NDST3: variants seen among roughly 807,000 people sequenced by gnomAD.
The protein encoded by NDST3 is bifunctional heparan sulfate N-deacetylase/N-sulfotransferase 3.
A neutral mutation model predicts 96.1 loss-of-function variants in NDST3; 58 were observed. That is an observed-to-expected ratio of 0.60 (90% CI 0.49 to 0.75). The LOEUF (loss-of-function observed/expected upper bound fraction) is 0.75, where lower values mean the gene tolerates loss of function less well. Among genes scored for constraint, NDST3 ranks in the 30% least tolerant of loss-of-function variants. NDST3 has a pLI of 0.00. For synonymous variants in NDST3, 333 were observed against 359.7 expected, an observed-to-expected ratio of 0.93 and a Z score of 0.84; for missense variants, 788 against 1,034.2, an observed-to-expected ratio of 0.76 and a Z score of 3.27.
chr4:118,248,207 C>T (rs1379063125), intron 12 of NDST3, among the ~76,000 whole-genome samples: 2 of 151,902 alleles, frequency 1.3e-5, no homozygotes, highest in Non-Finnish European at 2.9e-5. Flanking sequence ...AAAAATTAGC[C>T]AGGCGTGGTG....
chr4:118,224,086 T>C (rs1157010427), intron 6 of NDST3, among the ~76,000 whole-genome samples: 1 of 152,156 alleles, frequency 6.6e-6, no homozygotes, highest in African/African-American at 2.4e-5. Context: ...GTCAATTTTA[T>C]CTAGCCAAGC....
At chr4:118,236,988 G>C in intron 9 of NDST3, 58 bp from the exon 10 acceptor site, 1 of 1,288,842 alleles carries the variant, frequency 7.8e-7, no homozygotes, top group Middle Eastern at 2.0e-4. Flanking sequence ...TAACATCTTT[G>C]GTCACCAGAA....
intron 12 of NDST3, among the ~76,000 whole-genome samples, chr4:118,248,205 G>C (rs2126011231): frequency 6.6e-6 from 1 of 152,178 alleles, no homozygotes; most frequent in South Asian, 2.1e-4. Context: ...ACAAAAATTA[G>C]CCAGGCGTGG....
Position 118,152,329 on chromosome 4 carries a change from G to T in NDST3, c.1539+8645G>T, listed in dbSNP as rs1383016347. 2.6e-5 allele frequency among the ~76,000 whole-genome samples: 4 copies of T among 152,272 alleles called. No homozygotes were observed. In the East Asian group the frequency reaches 5.8e-4, roughly 22 times the overall value. On this transcript the variant is annotated intron_variant, in intron 6 of 13. Coordinates refer to ENST00000296499, the MANE Select transcript of NDST3 (RefSeq NM_004784.3). Reference sequence around the variant, plus strand: ...TCATTCAAGTTACCTCAGGTAATGGGACTCCAGAAAGTAATATTACTTCAA... The same window carrying T: ...TCATTCAAGTTACCTCAGGTAATGGTACTCCAGAAAGTAATATTACTTCAA...
intron 6 of NDST3, among the ~76,000 whole-genome samples, chr4:118,148,365 A>G (rs1361641534): frequency 6.6e-6 from 1 of 152,152 alleles, no homozygotes; most frequent in African/African-American, 2.4e-5. Flanking sequence ...ACCATGTAAC[A>G]ATATTGTGCC....
Position 118,240,686 on chromosome 4 carries a change from C to G in NDST3, c.2281C>G (p.Pro761Ala). 6.2e-7 allele frequency: 1 copy of G among 1,613,002 alleles called. No homozygotes were observed. The highest frequency in any genetic ancestry group is 8.5e-7 in the Non-Finnish European group (1 of 1,179,486). The change falls in exon 11 of 14, where the codon CCA (proline) becomes GCA (alanine). Residue 761 changes from proline to alanine, a missense_variant. Coordinates refer to ENST00000296499, the MANE Select transcript of NDST3 (RefSeq NM_004784.3). ...HIERWLVYFPPFQLLIIDGQQ... is the reference protein window; with the variant it reads ...HIERWLVYFPAFQLLIIDGQQ... Reference sequence around the variant, plus strand: ...CGAGAGATGGCTTGTTTATTTCCCCCCATTTCAGGTATGGAGTAATAAGGA... The same window carrying G: ...CGAGAGATGGCTTGTTTATTTCCCCGCATTTCAGGTATGGAGTAATAAGGA...
intron 6 of NDST3, among the ~76,000 whole-genome samples, chr4:118,189,697 C>T (rs1737179932): frequency 1.3e-5 from 2 of 152,072 alleles, no homozygotes; most frequent in Non-Finnish European, 2.9e-5. Context: ...AGAAAGATAG[C>T]CTGAGACAGA....
At chr4:118,193,453 C>T in intron 6 of NDST3, 1 of 741,810 alleles carries the variant, frequency 1.3e-6, no homozygotes, top group East Asian at 2.8e-5. Flanking sequence ...TGTTGCTCTT[C>T]TGCTCCTCCA....
intron 6 of NDST3, among the ~76,000 whole-genome samples, chr4:118,192,292 T>G (rs1027126540): frequency 7.9e-5 from 12 of 152,214 alleles, no homozygotes; most frequent in Non-Finnish European, 1.8e-4. Context: ...TAGCTTAATG[T>G]GATCCCATTT....
intron 12 of NDST3, among the ~76,000 whole-genome samples, chr4:118,244,740 G>T (rs1741207084): frequency 6.6e-6 from 1 of 152,020 alleles, no homozygotes; most frequent in South Asian, 2.1e-4. Context: ...ATCACAATAA[G>T]CCCCCAATGT....
chr4:118,242,413 C>T (rs1430007608), intron 12 of NDST3, among the ~76,000 whole-genome samples: 1 of 152,102 alleles, frequency 6.6e-6, no homozygotes, highest in East Asian at 1.9e-4. Context: ...AAACAAACCA[C>T]AAACCTTAAA....
intron 2 of NDST3, among the ~76,000 whole-genome samples, chr4:118,056,163 C>T (rs1220965402): frequency 1.3e-5 from 2 of 151,594 alleles, no homozygotes; most frequent in Non-Finnish European, 2.9e-5. Context: ...TTTTCCATTT[C>T]AAATGATTTT....
chr4:118,232,286 A>G (rs1300332929), intron 8 of NDST3, among the ~76,000 whole-genome samples: 6 of 152,080 alleles, frequency 3.9e-5, no homozygotes, highest in Non-Finnish European at 8.8e-5. Context: ...ATGTTCTTTC[A>G]TTCTCAGAGA....
At chr4:118,244,022 A>G (rs1741160267) in intron 12 of NDST3, among the ~76,000 whole-genome samples, 1 of 152,222 alleles carries the variant, frequency 6.6e-6, no homozygotes, top group Non-Finnish European at 1.5e-5. Flanking sequence ...GCAAGATAAG[A>G]TATGTGTAGT....
intron 10 of NDST3, among the ~76,000 whole-genome samples, 169 bp downstream of exon 10, chr4:118,237,389 TC>T (rs1217774146): frequency 1.3e-5 from 2 of 152,208 alleles, no homozygotes; most frequent in Non-Finnish European, 2.9e-5. Flanking sequence ...AGAAATTTCC[TC>T]CACTAAGTTT....
Position 118,050,199 on chromosome 4 carries a change from C to G in NDST3, c.-155-3557C>G, listed in dbSNP as rs142357184. 3.9e-5 allele frequency among the ~76,000 whole-genome samples: 6 copies of G among 151,904 alleles called. No homozygotes were observed. In the East Asian group the frequency reaches 5.8e-4, roughly 15 times the overall value. ...TTCAACATACCTTCATGATAAAAACCCTTAACAGTCTAGGCATTAAAGGAA... is the reference window on the plus strand; with the variant it reads ...TTCAACATACCTTCATGATAAAAACGCTTAACAGTCTAGGCATTAAAGGAA... On this transcript the variant is annotated intron_variant, in intron 1 of 13. Coordinates refer to ENST00000296499, the MANE Select transcript of NDST3 (RefSeq NM_004784.3).
Position 118,067,040 on chromosome 4 carries a change from A to G in NDST3, c.981+12149A>G, listed in dbSNP as rs548564689. Among the ~76,000 whole-genome samples, 50 of 148,764 alleles carry G rather than the reference A, an allele frequency of 3.4e-4. 2 individuals carry two copies. In the South Asian group the frequency reaches 0.01, roughly 30 times the overall value. On this transcript the variant is annotated intron_variant, in intron 2 of 13. Coordinates refer to ENST00000296499, the MANE Select transcript of NDST3 (RefSeq NM_004784.3). ...GACAAAGTAGTTGAGTTCACAGAGA[A>G]AGACAACTTACTTGATATTCTTGAA...
At chr4:118,193,148 C>T (rs969040037) in intron 6 of NDST3, among the ~76,000 whole-genome samples, 3 of 152,086 alleles carry the variant, frequency 2.0e-5, no homozygotes, top group Admixed American at 6.5e-5. Context: ...TAAATTAACA[C>T]TCTAATGAGC....
chr4:118,184,720 T>C (rs1303462688), intron 6 of NDST3, among the ~76,000 whole-genome samples: 1 of 152,004 alleles, frequency 6.6e-6, no homozygotes, highest in African/African-American at 2.4e-5. Context: ...ATATGCAATA[T>C]TAAGTATACA....
Sources: allele counts gnomAD v4.1 joint callset (sites outside exome capture counted in the v4.1 genomes callset), GRCh38; gene constraint gnomAD v4.1.1; transcripts MANE v1.5; gene names NCBI Gene and HGNC (gene_info 2026-07-23, HGNC 2026-07-21).